HS2ST1: variants seen among roughly 807,000 people sequenced by gnomAD.
The protein encoded by HS2ST1 is 2-O-sulfotransferase.
Under a neutral mutation model 42.9 loss-of-function variants are expected in HS2ST1, and 18 were observed. The observed-to-expected ratio is 0.42, with a 90% CI of 0.29 to 0.62. The LOEUF is 0.62. Ranked by LOEUF, HS2ST1 falls within the 20% of genes least tolerant of loss-of-function variation. The pLI is 0.21. For synonymous variants in HS2ST1, 146 were observed against 152.9 expected (o/e 0.95, Z 0.33); for missense variants, 334 against 433.8 (o/e 0.77, Z 2.04).
At chr1:86,956,850 T>G (rs1403133753) in intron 1 of HS2ST1, among the ~76,000 whole-genome samples, 1 of 152,232 alleles carries the variant, frequency 6.6e-6, no homozygotes, top group Non-Finnish European at 1.5e-5. Flanking sequence ...GAGTAACATG[T>G]TCTTGCTAGT....
intron 2 of HS2ST1, among the ~76,000 whole-genome samples, chr1:87,073,831 G>A (rs1267916251): frequency 6.6e-6 from 1 of 152,098 alleles, no homozygotes; most frequent in Non-Finnish European, 1.5e-5. Flanking sequence ...TATAAATAAA[G>A]TTCTCTCTAT....
At chr1:87,079,852 G>GT (rs1198000959) in intron 2 of HS2ST1, among the ~76,000 whole-genome samples, 1 of 146,000 alleles carries the variant, frequency 6.8e-6, no homozygotes, top group Non-Finnish European at 1.5e-5. Flanking sequence ...AACAGCCCTG[G>GT]TAACAACTCT....
intron 1 of HS2ST1, among the ~76,000 whole-genome samples, chr1:86,919,741 A>T (rs1398307690): frequency 6.6e-6 from 1 of 152,182 alleles, no homozygotes. Context: ...TTTATAGTAG[A>T]TGTTTCATAT....
chr1:86,997,405 A>G (rs1649135988), intron 1 of HS2ST1, among the ~76,000 whole-genome samples: 3 of 152,360 alleles, frequency 2.0e-5, no homozygotes, highest in South Asian at 4.1e-4. Flanking sequence ...GTTCGAATGC[A>G]TAAGATAACT....
chr1:87,041,018 A>T (rs1460162812), intron 1 of HS2ST1, among the ~76,000 whole-genome samples: 3 of 152,244 alleles, frequency 2.0e-5, no homozygotes, highest in Non-Finnish European at 2.9e-5. Context: ...TGTCTTAAAG[A>T]TTAAATAATT....
chr1:87,031,473 C>T (rs1650236459), intron 1 of HS2ST1, among the ~76,000 whole-genome samples: 1 of 152,114 alleles, frequency 6.6e-6, no homozygotes, highest in African/African-American at 2.4e-5. Context: ...GGACTGGCTG[C>T]CAATATACCA....
At chr1:87,016,006 G>T (rs1649746381) in intron 1 of HS2ST1, among the ~76,000 whole-genome samples, 1 of 150,964 alleles carries the variant, frequency 6.6e-6, no homozygotes, top group African/African-American at 2.4e-5. Context: ...TAGTAGAGAC[G>T]GGGTTTCACC....
intron 1 of HS2ST1, among the ~76,000 whole-genome samples, chr1:86,978,552 C>G (rs546702226): frequency 6.6e-6 from 1 of 152,214 alleles, no homozygotes; most frequent in African/African-American, 2.4e-5. Context: ...AAATTAGACT[C>G]TCTGTATTTG....
chr1:87,094,829 G>T (rs1344121032), intron 4 of HS2ST1, among the ~76,000 whole-genome samples: 2 of 151,660 alleles, frequency 1.3e-5, no homozygotes, highest in African/African-American at 4.8e-5. Flanking sequence ...TTTTAACTTC[G>T]TTATAAAATA....
At chr1:86,925,893 G>A (rs1203908254) in intron 1 of HS2ST1, among the ~76,000 whole-genome samples, 1 of 152,022 alleles carries the variant, frequency 6.6e-6, no homozygotes, top group Non-Finnish European at 1.5e-5. Context: ...TACATTATGG[G>A]CCATATTTTC....
chr1:87,091,201 T>C (rs889969227), intron 3 of HS2ST1, among the ~76,000 whole-genome samples: 2 of 151,996 alleles, frequency 1.3e-5, no homozygotes, highest in South Asian at 2.1e-4. Context: ...ATACAAAAAG[T>C]ATTTTTGAAG....
chr1:87,073,437 G>A (rs954523112), intron 2 of HS2ST1, among the ~76,000 whole-genome samples: 2 of 152,080 alleles, frequency 1.3e-5, no homozygotes, highest in African/African-American at 4.8e-5. Context: ...TGATGTTCCT[G>A]AGCATAGTAT....
At chr1:87,039,894 A>G (rs1407337418) in intron 1 of HS2ST1, among the ~76,000 whole-genome samples, 1 of 152,208 alleles carries the variant, frequency 6.6e-6, no homozygotes, top group Non-Finnish European at 1.5e-5. Context: ...TTGATGGTGT[A>G]TGGAGTGACA....
intron 1 of HS2ST1, among the ~76,000 whole-genome samples, chr1:87,023,853 A>G (rs1248024429): frequency 6.6e-6 from 1 of 151,850 alleles, no homozygotes; most frequent in Non-Finnish European, 1.5e-5. Flanking sequence ...CTGCATTTTC[A>G]GATTTTGATT....
chr1:87,015,331 C>A (rs1227497301), intron 1 of HS2ST1, among the ~76,000 whole-genome samples: 2 of 149,088 alleles, frequency 1.3e-5, no homozygotes, highest in African/African-American at 4.9e-5. Flanking sequence ...CAGGCGTGAA[C>A]CAACGTGCCT....
intron 1 of HS2ST1, among the ~76,000 whole-genome samples, chr1:86,983,586 T>G (rs1480086737): frequency 6.6e-6 from 1 of 152,188 alleles, no homozygotes; most frequent in Admixed American, 6.5e-5. Context: ...CAAACCATAT[T>G]AAAATAGTAC....
intron 1 of HS2ST1, among the ~76,000 whole-genome samples, chr1:86,930,627 GA>G (rs1188353764): frequency 2.6e-5 from 4 of 151,982 alleles, no homozygotes; most frequent in Middle Eastern, 3.4e-3. Flanking sequence ...AATTGCATTG[GA>G]AAAGTGGGCT....
At chr1:87,002,627 AAAG>A (rs1418493178) in intron 1 of HS2ST1, among the ~76,000 whole-genome samples, 89 of 148,248 alleles carry the variant, frequency 6.0e-4, no homozygotes, top group African/African-American at 2.2e-3. Flanking sequence ...AAAAAAAGAA[AAAG>A]AAAAAAAAGA....
At chr1:87,041,470 C>A (rs1012693136) in intron 1 of HS2ST1, among the ~76,000 whole-genome samples, 2 of 151,912 alleles carry the variant, frequency 1.3e-5, no homozygotes, top group African/African-American at 4.8e-5. Flanking sequence ...CTTCCCCCGC[C>A]CTTAACAAAA....
Sources: allele counts gnomAD v4.1 joint callset (sites outside exome capture counted in the v4.1 genomes callset), GRCh38; gene constraint gnomAD v4.1.1; transcripts MANE v1.5; gene names NCBI Gene and HGNC (gene_info 2026-07-23, HGNC 2026-07-21).